Variants in BCAS3 observed in about 807,000 individuals in gnomAD.
BCAS3 encodes BCAS3 microtubule associated cell migration factor, also known as BCAS4/BCAS3 fusion.
Under a neutral mutation model 116.1 loss-of-function variants are expected in BCAS3, and 53 were observed. The ratio of observed to expected loss-of-function variants is 0.46; its 90% CI spans 0.37 to 0.57. The LOEUF (loss-of-function observed/expected upper bound fraction) is 0.57. BCAS3 is among the 20% of genes least tolerant of loss of function. BCAS3 has a pLI of 0.00. For synonymous variants in BCAS3, 391 were observed against 408.2 expected (o/e 0.96, Z 0.51); for missense variants, 917 against 1,165.4 (o/e 0.79, Z 3.10).
At chr17:61,055,765 A>G (rs2069315517) in intron 19 of BCAS3, among the ~76,000 whole-genome samples, 1 of 152,160 alleles carries the variant, frequency 6.6e-6, no homozygotes, top group Admixed American at 6.5e-5. Context: ...TAATGTCTGG[A>G]AAATAAATGT....
rs183328165 is a variant in BCAS3, at chr17:60,922,496, T to C, written c.994-1911T>C. 6.5e-5 allele frequency among the ~76,000 whole-genome samples: 9 copies of C among 139,200 alleles called. No individual in the cohort carries two copies. In the East Asian group the frequency reaches 1.7e-3, roughly 27 times the overall value. 91.3% of individuals were successfully genotyped at this position (139,200 alleles called of 152,430 possible). A position where few individuals can be genotyped will look rare whatever the true frequency, so the allele number is the denominator to read the frequency against. ...CATTAATTGATAGGAATAAGCACTCTGTAATTTTCCACATGCATGTTAGTA... is the reference window on the plus strand; with the variant it reads ...CATTAATTGATAGGAATAAGCACTCCGTAATTTTCCACATGCATGTTAGTA... On this transcript the variant is annotated intron_variant, in intron 12 of 23. Coordinates refer to ENST00000407086, the MANE Select transcript of BCAS3 (RefSeq NM_017679.5).
chr17:60,690,591 TTAAA>T (rs1423122473), intron 4 of BCAS3, among the ~76,000 whole-genome samples: 1 of 144,294 alleles, frequency 6.9e-6, no homozygotes, highest in Non-Finnish European at 1.5e-5. Flanking sequence ...ATAAATACAG[TTAAA>T]TAAGTAAGTA....
chr17:60,893,816 C>T (rs2057338428), intron 10 of BCAS3, among the ~76,000 whole-genome samples: 1 of 151,878 alleles, frequency 6.6e-6, no homozygotes, highest in Non-Finnish European at 1.5e-5. Flanking sequence ...ATCATGTTGG[C>T]CAGGCTGGTC....
intron 22 of BCAS3, among the ~76,000 whole-genome samples, chr17:61,116,223 C>T (rs1238446277): frequency 6.7e-6 from 1 of 148,778 alleles, no homozygotes; most frequent in Admixed American, 6.8e-5. Context: ...CGCATGTACC[C>T]TAAAACTTAA....
At position 61,227,650 on chromosome 17, in the gene BCAS3, G is replaced by A. The variant is rs73326875; in HGVS notation, c.2426-140677G>A. Among the ~76,000 whole-genome samples the A allele has an allele frequency of 1.1e-3, 160 of 152,260 alleles. No homozygotes were observed. The highest frequency in any genetic ancestry group is 3.6e-3 in the African/African-American group (148 of 41,540). On this transcript the variant is annotated intron_variant, in intron 22 of 23. Transcript: ENST00000407086. This position sits in a 1 kb window ranked among gnomAD's most constrained non-coding sequence, Gnocchi z 6.1. ...CCAAGGAAGAATAAATTGGGCATAGGTCCTGTTAATTTACACCAGCCCATC... is the reference window on the plus strand; with the variant it reads ...CCAAGGAAGAATAAATTGGGCATAGATCCTGTTAATTTACACCAGCCCATC...
rs900682786 is a variant in BCAS3 at position 61,118,249 on chromosome 17, A to G, written c.2425+33685A>G. ...CTTACCACACTACTGTTACCACCCA[A>G]TCAGGTTACTACTTGGGAGAGATGG... On this transcript the variant is annotated intron_variant, in intron 22 of 23. Transcript: ENST00000407086. The surrounding 1 kb of genome is among the most constrained non-coding windows in gnomAD (Gnocchi z 5.0). Among the ~76,000 whole-genome samples the G allele has an allele frequency of 9.2e-5, 14 of 152,148 alleles. No homozygotes were observed. The highest frequency in any genetic ancestry group is 3.4e-4 in the African/African-American group (14 of 41,440).
rs76514141 is a variant in BCAS3, at chr17:61,068,007, C to T, written c.2030-6913C>T. ...CTCTAAAGTAAATTGATAGTATTCCCTATTCAGTATTTTCCTTTTCAGTTT... is the reference window on the plus strand; with the variant it reads ...CTCTAAAGTAAATTGATAGTATTCCTTATTCAGTATTTTCCTTTTCAGTTT... On this transcript the variant is annotated intron_variant, in intron 19 of 23. Coordinates refer to ENST00000407086, the MANE Select transcript of BCAS3 (RefSeq NM_017679.5). This position sits in a 1 kb window ranked among gnomAD's most constrained non-coding sequence, Gnocchi z 4.3. Among the ~76,000 whole-genome samples, 1,290 of 152,106 alleles carry T rather than the reference C, an allele frequency of 8.5e-3. 34 individuals carry two copies. The highest frequency in any genetic ancestry group is 0.083 in the East Asian group (427 of 5,160).
intron 9 of BCAS3, among the ~76,000 whole-genome samples, chr17:60,878,529 C>T (rs1034804772): frequency 2.6e-5 from 4 of 152,110 alleles, no homozygotes; most frequent in African/African-American, 9.7e-5. Flanking sequence ...TCAACATGCA[C>T]TTAATATGAA....
At chr17:61,341,906 A>C (rs1329407371) in intron 22 of BCAS3, among the ~76,000 whole-genome samples, 2 of 152,248 alleles carry the variant, frequency 1.3e-5, no homozygotes, top group Admixed American at 6.5e-5. Flanking sequence ...AGTTTTAAGA[A>C]AGTTCCGAGG....
chr17:61,067,740 A>AATAT (rs1334028912), intron 19 of BCAS3, among the ~76,000 whole-genome samples: 12 of 133,744 alleles, frequency 9.0e-5, no homozygotes, highest in African/African-American at 3.0e-4. Flanking sequence ...AAAAAAAAAA[A>AATAT]ATATATATAT....
At chr17:60,790,843 A>T (rs547476737) in intron 6 of BCAS3, among the ~76,000 whole-genome samples, 2 of 142,742 alleles carry the variant, frequency 1.4e-5, no homozygotes, top group East Asian at 4.2e-4. Flanking sequence ...TCCCCGGTTT[A>T]AGCAATTCTC....
At position 60,989,831 on chromosome 17, in the gene BCAS3, A is replaced by G. The variant is rs1166679357; in HGVS notation, c.1222-140A>G. ...TCATTGTGAAATGCATCTGTAGAGT[A>G]AATTTTTATTTATTACCTGATCTTA... On this transcript the variant is annotated intron_variant, in intron 14 of 23. Coordinates refer to ENST00000407086, the MANE Select transcript of BCAS3 (RefSeq NM_017679.5). 1.2e-5 allele frequency: 11 copies of G among 904,742 alleles called. No homozygotes were observed. In the Admixed American group the frequency reaches 1.9e-4, roughly 16 times the overall value. 56.0% of individuals were successfully genotyped at this position (904,742 alleles called of 1,614,324 possible).
chr17:60,979,707 G>C (rs142599490), intron 14 of BCAS3, among the ~76,000 whole-genome samples: 17,159 of 151,142 alleles, frequency 0.11, 3,180 homozygotes, highest in African/African-American at 0.39. Flanking sequence ...TAGCATGAAG[G>C]GTTGTTGAAT....
rs918727130 is a variant in BCAS3, at chr17:61,220,081, G to C, written c.2425+135517G>C. ...GAGGTTGAGGTGGGCAGATCACACGGTCAGGAGTTTGAGACCAGCCTGGCC... is the reference window on the plus strand; with the variant it reads ...GAGGTTGAGGTGGGCAGATCACACGCTCAGGAGTTTGAGACCAGCCTGGCC... On this transcript the variant is annotated intron_variant, in intron 22 of 23. Transcript: ENST00000407086. This position sits in a 1 kb window ranked among gnomAD's most constrained non-coding sequence, Gnocchi z 4.5. 7.9e-4 allele frequency among the ~76,000 whole-genome samples: 121 copies of C among 152,230 alleles called. No homozygotes were observed. The highest frequency in any genetic ancestry group is 2.7e-3 in the African/African-American group (114 of 41,536).
chr17:61,210,941 A>G (rs781420885), intron 22 of BCAS3, among the ~76,000 whole-genome samples: 8 of 152,202 alleles, frequency 5.3e-5, no homozygotes, highest in Non-Finnish European at 1.0e-4. Context: ...ATAGAGTCTG[A>G]AAAGAGTCTA....
intron 15 of BCAS3, 67 bp from the exon 16 acceptor site, chr17:61,015,684 C>G: frequency 2.6e-6 from 4 of 1,511,842 alleles, no homozygotes; most frequent in African/African-American, 1.4e-5. Context: ...AAAACCCTAT[C>G]GGAGATAGAG....
At chr17:60,697,749 A>G (rs976502112) in intron 4 of BCAS3, among the ~76,000 whole-genome samples, 3 of 152,162 alleles carry the variant, frequency 2.0e-5, no homozygotes, top group Non-Finnish European at 4.4e-5. Flanking sequence ...TTAAGACTGG[A>G]CAAGGTTTTG....
chr17:61,121,239 G>A (rs953715473), intron 22 of BCAS3, among the ~76,000 whole-genome samples: 5 of 152,018 alleles, frequency 3.3e-5, no homozygotes, highest in African/African-American at 1.2e-4. Context: ...TAGATATATA[G>A]ATATATCAGC....
chr17:61,331,432 G>A (rs984774341), intron 22 of BCAS3, among the ~76,000 whole-genome samples: 2 of 152,090 alleles, frequency 1.3e-5, no homozygotes, highest in African/African-American at 2.4e-5. Flanking sequence ...TGCCCCTGTC[G>A]CTTTATTTGG....
Sources: gnomAD v4.1 joint callset for allele counts (sites outside exome capture counted in the v4.1 genomes callset) on GRCh38, gnomAD v4.1.1 for gene constraint, Gnocchi (gnomAD v3.1) non-coding constraint, MANE v1.5 for transcripts, NCBI Gene and HGNC (gene_info 2026-07-23, HGNC 2026-07-21) for gene names.